The following NTRK2 variants were observed in gnomAD, a reference collection of about 807,000 sequenced individuals.
The protein encoded by NTRK2 is BDNF/NT-3 growth factors receptor.
Under a neutral mutation model 94.5 loss-of-function variants are expected in NTRK2, and 13 were observed. The observed-to-expected ratio is 0.14, with a 90% confidence interval of 0.09 to 0.22. NTRK2 has a LOEUF of 0.22. NTRK2 is among the 10% of genes least tolerant of loss of function. NTRK2 has a pLI of 1.00. For missense variants in NTRK2, 639 were observed against 1,071.2 expected, an observed-to-expected ratio of 0.60 and a Z score of 5.63; for synonymous variants, 372 against 407.4, an observed-to-expected ratio of 0.91 and a Z score of 1.05.
intron 18 of NTRK2, among the ~76,000 whole-genome samples, chr9:85,020,975 G>A (rs1832735173): frequency 6.6e-6 from 1 of 152,154 alleles, no homozygotes; most frequent in Non-Finnish European, 1.5e-5. Context: ...ACCACAACAT[G>A]TGGGAGCTCC....
intron 17 of NTRK2, among the ~76,000 whole-genome samples, chr9:84,980,769 G>A (rs959573533): frequency 1.8e-4 from 27 of 152,356 alleles, no homozygotes; most frequent in African/African-American, 6.3e-4. Flanking sequence ...GGCATGCCAG[G>A]TTGGGCTTGG....
chr9:84,905,080 T>G (rs2077032862), intron 14 of NTRK2, among the ~76,000 whole-genome samples: 1 of 152,170 alleles, frequency 6.6e-6, no homozygotes, highest in East Asian at 1.9e-4. Flanking sequence ...GGTGGCCACA[T>G]TCACGAGAAA....
chr9:84,762,266 G>C (rs576540540), intron 12 of NTRK2, among the ~76,000 whole-genome samples: 1 of 152,328 alleles, frequency 6.6e-6, no homozygotes, highest in Admixed American at 6.5e-5. Flanking sequence ...AGAGCAAAGA[G>C]AGGCAGCCCT....
At chr9:84,783,200 A>C (rs2067771762) in intron 12 of NTRK2, among the ~76,000 whole-genome samples, 1 of 152,206 alleles carries the variant, frequency 6.6e-6, no homozygotes. Flanking sequence ...TGACCTGTGA[A>C]GGGACATTTT....
chr9:84,866,640 G>A (rs1356238359), intron 13 of NTRK2, among the ~76,000 whole-genome samples: 1 of 152,174 alleles, frequency 6.6e-6, no homozygotes, highest in Non-Finnish European at 1.5e-5. Flanking sequence ...ATATAAAATG[G>A]TGCAGCCACT....
chr9:84,786,446 G>T (rs1452211639), intron 12 of NTRK2, among the ~76,000 whole-genome samples: 4 of 152,102 alleles, frequency 2.6e-5, no homozygotes, highest in East Asian at 1.9e-4. Flanking sequence ...CGATCTTCAA[G>T]ATTATTATTT....
intron 12 of NTRK2, chr9:84,813,227 GC>G: frequency 9.5e-7 from 1 of 1,052,098 alleles, no homozygotes; most frequent in Non-Finnish European, 1.1e-6. Flanking sequence ...GCCGATGCCT[GC>G]CCTTCCAGAG....
chr9:84,701,846 C>T (rs2060746655), intron 2 of NTRK2, among the ~76,000 whole-genome samples: 1 of 152,116 alleles, frequency 6.6e-6, no homozygotes, highest in Non-Finnish European at 1.5e-5. Flanking sequence ...GATGCATTTC[C>T]ACGGTGTTTT....
At chr9:84,952,276 G>A (rs1339745727) in intron 16 of NTRK2, among the ~76,000 whole-genome samples, 1 of 152,134 alleles carries the variant, frequency 6.6e-6, no homozygotes, top group Non-Finnish European at 1.5e-5. Flanking sequence ...CTCTGCTGAG[G>A]TGCTTGTTGA....
intron 12 of NTRK2, among the ~76,000 whole-genome samples, chr9:84,761,665 C>T (rs1469499705): frequency 6.6e-6 from 1 of 152,174 alleles, no homozygotes; most frequent in Non-Finnish European, 1.5e-5. Flanking sequence ...TGTGTAGCCA[C>T]AGTCTCTTTA....
intron 17 of NTRK2, among the ~76,000 whole-genome samples, chr9:84,967,638 G>A (rs150690165): frequency 2.6e-5 from 4 of 152,228 alleles, no homozygotes; most frequent in East Asian, 1.9e-4. Context: ...CTCCTTTGAC[G>A]GCGGAGCCCA....
At chr9:84,989,571 C>CT (rs1828788271) in intron 17 of NTRK2, among the ~76,000 whole-genome samples, 1 of 152,182 alleles carries the variant, frequency 6.6e-6, no homozygotes, top group Non-Finnish European at 1.5e-5. Context: ...ATTGATCCCA[C>CT]TTTTTTCAAG....
intron 14 of NTRK2, among the ~76,000 whole-genome samples, chr9:84,910,658 C>T (rs2077212276): frequency 6.6e-6 from 1 of 152,134 alleles, no homozygotes. Context: ...TACAAAATTG[C>T]TTTTACATGC....
chr9:84,746,425 C>T (rs546545343), intron 11 of NTRK2, among the ~76,000 whole-genome samples: 1 of 152,276 alleles, frequency 6.6e-6, no homozygotes, highest in Middle Eastern at 3.4e-3. Context: ...TCCTGCATGA[C>T]CACGCAGCCT....
chr9:84,705,785 T>TC (rs2131745264), intron 4 of NTRK2, among the ~76,000 whole-genome samples: 1 of 148,274 alleles, frequency 6.7e-6, no homozygotes, highest in Admixed American at 6.7e-5. Flanking sequence ...ACCCATTCTT[T>TC]TTTTTTTTTT....
chr9:84,812,522 G>T, intron 12 of NTRK2: 1 of 1,047,404 alleles, frequency 9.5e-7, no homozygotes, highest in Non-Finnish European at 1.2e-6. Flanking sequence ...TCATTACTTA[G>T]ATTCCGATCT....
chr9:84,933,727 C>G (rs1184627019), intron 14 of NTRK2, among the ~76,000 whole-genome samples: 1 of 152,172 alleles, frequency 6.6e-6, no homozygotes, highest in African/African-American at 2.4e-5. Flanking sequence ...GACTCTGTCT[C>G]CCTTAGGAAT....
At chr9:84,883,907 A>G (rs148717676) in intron 14 of NTRK2, among the ~76,000 whole-genome samples, 3 of 152,342 alleles carry the variant, frequency 2.0e-5, no homozygotes, top group African/African-American at 7.2e-5. Flanking sequence ...TCAAGAGAAA[A>G]TATGCTATAA....
chr9:84,820,563 A>G (rs1385469066), intron 12 of NTRK2, among the ~76,000 whole-genome samples: 1 of 152,224 alleles, frequency 6.6e-6, no homozygotes, highest in East Asian at 1.9e-4. Flanking sequence ...CATTCATGAC[A>G]TATTTAACTT....
Sources: gnomAD v4.1 joint callset for allele counts (sites outside exome capture counted in the v4.1 genomes callset) on GRCh38, gnomAD v4.1.1 for gene constraint, MANE v1.5 for transcripts, NCBI Gene and HGNC (gene_info 2026-07-23, HGNC 2026-07-21) for gene names.